PACRG: variants seen among roughly 807,000 people sequenced by gnomAD.
The protein encoded by PACRG is parkin coregulated.
A neutral mutation model predicts 29.7 loss-of-function variants in PACRG; 29 were observed. The ratio of observed to expected loss-of-function variants is 0.98; its 90% CI spans 0.73 to 1.33. The LOEUF (loss-of-function observed/expected upper bound fraction) is 1.33, where lower values mean the gene tolerates loss of function less well. Ranked by LOEUF, PACRG falls within the 40% of genes most tolerant of loss-of-function variation. The pLI, the probability that PACRG is intolerant of heterozygous loss-of-function variation, is 0.00. For missense variants in PACRG, 279 were observed against 316.2 expected (o/e 0.88, Z 0.89); for synonymous variants, 116 against 118.7 (o/e 0.98, Z 0.15).
intron 2 of PACRG, among the ~76,000 whole-genome samples, chr6:162,867,183 C>G (rs1249755825): frequency 6.6e-6 from 1 of 152,212 alleles, no homozygotes; most frequent in Admixed American, 6.5e-5. Flanking sequence ...GCTCCCCAGT[C>G]TTCTAGCCCA....
chr6:162,853,850 T>C lies in PACRG; in HGVS notation c.291+39569T>C, dbSNP rs1257619333. On this transcript the variant is annotated intron_variant, in intron 2 of 4. Transcript: ENST00000366888. This position sits in a 1 kb window ranked among gnomAD's most constrained non-coding sequence, Gnocchi z 4.7. ...GTCTTGGTTTCCTTGTTTGTATCTATGTATCTACCTCATAGGGTTGTCATT... is the reference window on the plus strand; with the variant it reads ...GTCTTGGTTTCCTTGTTTGTATCTACGTATCTACCTCATAGGGTTGTCATT... 1.3e-5 allele frequency among the ~76,000 whole-genome samples: 2 copies of C among 152,226 alleles called. No homozygotes were observed. The highest frequency in any genetic ancestry group is 2.9e-5 in the Non-Finnish European group (2 of 68,040).
At chr6:162,960,999 T>C (rs1185475770) in intron 2 of PACRG, among the ~76,000 whole-genome samples, 2 of 152,308 alleles carry the variant, frequency 1.3e-5, no homozygotes, top group East Asian at 3.9e-4. Flanking sequence ...GAATCAAATA[T>C]TGTGGCCATG....
chr6:163,064,182 G>A (rs1346947636), intron 3 of PACRG, among the ~76,000 whole-genome samples: 1 of 152,010 alleles, frequency 6.6e-6, no homozygotes, highest in African/African-American at 2.4e-5. Flanking sequence ...AGGCAGAAAA[G>A]GAATTGCTAA....
intron 2 of PACRG, among the ~76,000 whole-genome samples, chr6:162,895,624 T>C (rs1328285824): frequency 6.6e-6 from 1 of 152,246 alleles, no homozygotes; most frequent in African/African-American, 2.4e-5. Context: ...GTTGTTTGTT[T>C]AATCTCTCCA....
intron 4 of PACRG, among the ~76,000 whole-genome samples, chr6:163,149,948 C>G (rs765353944): frequency 3.3e-4 from 51 of 152,244 alleles, no homozygotes; most frequent in Non-Finnish European, 5.9e-4. Context: ...ACTCCCCACT[C>G]TCCGTAGTTC....
intron 1 of PACRG, among the ~76,000 whole-genome samples, chr6:162,794,934 G>A (rs1785248534): frequency 6.6e-6 from 1 of 151,928 alleles, no homozygotes; most frequent in Non-Finnish European, 1.5e-5. Context: ...AAAAGAGAAA[G>A]TGAATGAATA....
At chr6:162,875,349 GCACACACATT>G (rs1464851173) in intron 2 of PACRG, among the ~76,000 whole-genome samples, 4 of 149,002 alleles carry the variant, frequency 2.7e-5, no homozygotes, top group South Asian at 2.2e-4. Context: ...ACACAGTCAT[GCACACACATT>G]CACACACATT....
At chr6:163,202,060 G>A (rs573766108) in intron 4 of PACRG, among the ~76,000 whole-genome samples, 30 of 152,300 alleles carry the variant, frequency 2.0e-4, no homozygotes, top group Admixed American at 5.2e-4. Context: ...GCGAGCAAAC[G>A]CGGGGACCTG....
chr6:162,933,776 T>A (rs1798038225), intron 2 of PACRG, among the ~76,000 whole-genome samples: 1 of 151,816 alleles, frequency 6.6e-6, no homozygotes, highest in African/African-American at 2.4e-5. Flanking sequence ...AAAAAAAAGG[T>A]TCGTTTAGTT....
chr6:162,789,430 T>C lies in PACRG; in HGVS notation c.157-24717T>C, dbSNP rs147964789. Among the ~76,000 whole-genome samples the C allele has an allele frequency of 7.0e-3, 1,065 of 152,302 alleles. 26 individuals are homozygous for C. Among genetic ancestry groups the C allele is most frequent in the Admixed American group, 0.035 (540 of 15,292 alleles). On this transcript the variant is annotated intron_variant, in intron 1 of 4. Coordinates refer to ENST00000366888, the MANE Select transcript of PACRG (RefSeq NM_001080379.2). ...TGGTACATCAAGTATTTGAACATGC[T>C]TACTTTTATAGGGAACTAACAACTC...
intron 2 of PACRG, among the ~76,000 whole-genome samples, chr6:162,829,736 A>G (rs867054): frequency 0.065 from 9,819 of 152,216 alleles, 464 homozygotes; most frequent in East Asian, 0.26. Context: ...TTCTCCGGGT[A>G]TAGGAAGGGC....
chr6:163,076,710 C>T (rs1211347354), intron 3 of PACRG, among the ~76,000 whole-genome samples: 2 of 152,148 alleles, frequency 1.3e-5, no homozygotes, highest in Non-Finnish European at 2.9e-5. Flanking sequence ...TTTGTCTTCG[C>T]TCATTTTTCG....
chr6:162,945,394 A>T (rs1001973020), intron 2 of PACRG, among the ~76,000 whole-genome samples: 1 of 152,142 alleles, frequency 6.6e-6, no homozygotes, highest in African/African-American at 2.4e-5. Context: ...TAAATAAAAA[A>T]CAGCAAAAAA....
At chr6:162,878,762 T>C (rs1004967325) in intron 2 of PACRG, among the ~76,000 whole-genome samples, 1 of 152,222 alleles carries the variant, frequency 6.6e-6, no homozygotes, top group Non-Finnish European at 1.5e-5. Flanking sequence ...CCCCAATATG[T>C]TGTTTCTAGC....
chr6:162,907,771 A>G (rs1241758054), intron 2 of PACRG, among the ~76,000 whole-genome samples: 1 of 152,208 alleles, frequency 6.6e-6, no homozygotes, highest in African/African-American at 2.4e-5. Flanking sequence ...GCTATAAAAC[A>G]TATTTTGAAA....
At chr6:163,004,732 A>G (rs1273727768) in intron 2 of PACRG, among the ~76,000 whole-genome samples, 10 of 117,008 alleles carry the variant, frequency 8.5e-5, no homozygotes, top group African/African-American at 2.5e-4. Context: ...GTGTGTATAT[A>G]TATATACACA....
At chr6:162,993,238 CTGTAGA>C (rs1803631802) in intron 2 of PACRG, among the ~76,000 whole-genome samples, 1 of 150,996 alleles carries the variant, frequency 6.6e-6, no homozygotes, top group South Asian at 2.1e-4. Flanking sequence ...GTGGAGAGTT[CTGTAGA>C]TGTCTATTAG....
intron 4 of PACRG, among the ~76,000 whole-genome samples, chr6:163,198,051 C>G (rs759186664): frequency 6.6e-5 from 10 of 152,188 alleles, no homozygotes; most frequent in Non-Finnish European, 1.3e-4. Context: ...CCCAGGTCCC[C>G]GCTAATCTGT....
rs113467914 is a variant in PACRG at position 162,788,158 on chromosome 6, C to T, written c.157-25989C>T. Among the ~76,000 whole-genome samples, 14 of 137,468 alleles carry T rather than the reference C, an allele frequency of 1.0e-4. No individual in the cohort carries two copies. In the South Asian group the frequency reaches 1.7e-3, roughly 17 times the overall value. The allele number at this position is 137,468 out of a possible 152,430, so 90.2% of individuals were successfully genotyped here. ...TGAGTGCCATAAAATACTTCCGTGACCCCCTATTTATTTCTCCCTCCTCTG... is the reference window on the plus strand; with the variant it reads ...TGAGTGCCATAAAATACTTCCGTGATCCCCTATTTATTTCTCCCTCCTCTG... On this transcript the variant is annotated intron_variant, in intron 1 of 4. Coordinates refer to ENST00000366888, the MANE Select transcript of PACRG (RefSeq NM_001080379.2).
Sources: gnomAD v4.1 joint callset for allele counts (sites outside exome capture counted in the v4.1 genomes callset) on GRCh38, gnomAD v4.1.1 for gene constraint, Gnocchi (gnomAD v3.1) non-coding constraint, MANE v1.5 for transcripts, NCBI Gene and HGNC (gene_info 2026-07-23, HGNC 2026-07-21) for gene names.